KIRREL3: variants seen among roughly 807,000 people sequenced by gnomAD.
KIRREL3 encodes kin of IRRE-like protein 3.
Under a neutral mutation model 89.7 loss-of-function variants are expected in KIRREL3, and 36 were observed. That is an observed-to-expected ratio of 0.40 (90% confidence interval 0.31 to 0.53). The LOEUF (loss-of-function observed/expected upper bound fraction) is 0.53, where lower values mean the gene tolerates loss of function less well. Ranked by LOEUF, KIRREL3 falls within the 20% of genes least tolerant of loss-of-function variation. KIRREL3 has a pLI of 0.49. For missense variants in KIRREL3, 864 were observed against 1,056.6 expected, an observed-to-expected ratio of 0.82 and a Z score of 2.53; for synonymous variants, 445 against 441.4, an observed-to-expected ratio of 1.01 and a Z score of -0.10.
rs1179194545 is a variant in KIRREL3 at position 126,999,104 on chromosome 11, C to T, written c.55+1351G>A. On this transcript the variant is annotated intron_variant, in intron 1 of 16. Coordinates refer to ENST00000525144, the MANE Select transcript of KIRREL3 (RefSeq NM_032531.4). The surrounding 1 kb of genome is among the most constrained non-coding windows in gnomAD (Gnocchi z 5.7). ...GGGAAGGCAATTTATCTTCCTGCTGCTGTAGGGAGCCTTGGTGAGAAGCAC... is the reference window on the plus strand; with the variant it reads ...GGGAAGGCAATTTATCTTCCTGCTGTTGTAGGGAGCCTTGGTGAGAAGCAC... Among the ~76,000 whole-genome samples the T allele has an allele frequency of 6.7e-6, 1 of 149,242 alleles. No individual in the cohort carries two copies. Among genetic ancestry groups the T allele is most frequent in the East Asian group, 2.0e-4 (1 of 4,946 alleles).
intron 5 of KIRREL3, among the ~76,000 whole-genome samples, chr11:126,467,936 C>A (rs1303297132): frequency 1.3e-5 from 2 of 152,118 alleles, no homozygotes; most frequent in Non-Finnish European, 2.9e-5. Flanking sequence ...AGGGTGAGGG[C>A]CCTATGCATG....
At chr11:126,679,969 C>T (rs1426081915) in intron 1 of KIRREL3, among the ~76,000 whole-genome samples, 1 of 152,196 alleles carries the variant, frequency 6.6e-6, no homozygotes, top group Admixed American at 6.5e-5. Flanking sequence ...GGAAGCCTCT[C>T]CTTCCGTGGC....
Position 126,635,996 on chromosome 11 carries a change from T to G in KIRREL3, c.56-73084A>C, listed in dbSNP as rs530868209. ...GGGATCAGTGGAGGAAGCGACGTGA[T>G]TCCTGTAAGACTTGAATGCCCCTGA... On this transcript the variant is annotated intron_variant, in intron 1 of 16. Transcript: ENST00000525144. This position sits in a 1 kb window ranked among gnomAD's most constrained non-coding sequence, Gnocchi z 4.0. Among the ~76,000 whole-genome samples the G allele has an allele frequency of 2.5e-4, 38 of 152,280 alleles. No individual in the cohort carries two copies. The highest frequency in any genetic ancestry group is 8.9e-4 in the African/African-American group (37 of 41,556).
chr11:126,711,256 G>A (rs1249444869), intron 1 of KIRREL3, among the ~76,000 whole-genome samples: 2 of 152,158 alleles, frequency 1.3e-5, no homozygotes, highest in Admixed American at 1.3e-4. Flanking sequence ...GCACATAACC[G>A]CCTAAGTTTA....
chr11:126,764,728 G>A lies in KIRREL3; in HGVS notation c.56-201816C>T, dbSNP rs867298803. Among the ~76,000 whole-genome samples, 2 of 152,174 alleles carry A rather than the reference G, an allele frequency of 1.3e-5. No individual in the cohort carries two copies. Among genetic ancestry groups the A allele is most frequent in the African/African-American group, 2.4e-5 (1 of 41,442 alleles). On this transcript the variant is annotated intron_variant, in intron 1 of 16. Transcript: ENST00000525144. The surrounding 1 kb of genome is among the most constrained non-coding windows in gnomAD (Gnocchi z 4.2). Reference sequence around the variant, plus strand: ...TGCTTTTATGTTATTGCACACATGAGTGGAACATACTATCCAGCTTCTTAG... The same window carrying A: ...TGCTTTTATGTTATTGCACACATGAATGGAACATACTATCCAGCTTCTTAG...
chr11:126,920,381 G>C (rs1037597681), intron 1 of KIRREL3: 1 of 152,236 alleles, frequency 6.6e-6, no homozygotes, highest in East Asian at 1.9e-4. Flanking sequence ...ACCGATGAAC[G>C]AAAGGTGGAG....
At chr11:126,451,869 T>C (rs1423221583) in intron 7 of KIRREL3, among the ~76,000 whole-genome samples, 3 of 152,184 alleles carry the variant, frequency 2.0e-5, no homozygotes, top group African/African-American at 7.2e-5. Context: ...TTGAAGTGTC[T>C]ATGGGGAGTT....
At chr11:126,634,662 G>A (rs1208813703) in intron 1 of KIRREL3, among the ~76,000 whole-genome samples, 1 of 152,206 alleles carries the variant, frequency 6.6e-6, no homozygotes, top group Non-Finnish European at 1.5e-5. Flanking sequence ...CAGGTCCCTT[G>A]TACCTGCTGT....
Position 126,940,787 on chromosome 11 carries a change from T to C in KIRREL3, c.55+59668A>G, listed in dbSNP as rs1257442580. ...TACCTCTTTACTCCTCTGTAGGCAG[T>C]AATTCTTTTTTCTTTTCTTTCTTTT... On this transcript the variant is annotated intron_variant, in intron 1 of 16. Transcript: ENST00000525144. The surrounding 1 kb of genome is among the most constrained non-coding windows in gnomAD (Gnocchi z 4.6). The C allele has an allele frequency of 1.3e-5, 2 of 152,208 alleles. No individual in the cohort carries two copies. Among genetic ancestry groups the C allele is most frequent in the Non-Finnish European group, 2.9e-5 (2 of 68,054 alleles). The allele number at this position is 152,208 out of a possible 1,614,324, so 9.4% of individuals were successfully genotyped here.
intron 1 of KIRREL3, among the ~76,000 whole-genome samples, chr11:126,661,346 CAAG>C (rs1469800100): frequency 6.6e-6 from 1 of 152,142 alleles, no homozygotes; most frequent in East Asian, 1.9e-4. Flanking sequence ...CTGCATTTTG[CAAG>C]AAGAATGAGA....
chr11:126,932,818 C>T (rs1948010037), intron 1 of KIRREL3, among the ~76,000 whole-genome samples: 1 of 152,226 alleles, frequency 6.6e-6, no homozygotes, highest in Non-Finnish European at 1.5e-5. Context: ...CGTTTCTCTT[C>T]CTATGGAGTT....
rs886549354 is a variant in KIRREL3, at chr11:126,740,570, T to C, written c.56-177658A>G. Among the ~76,000 whole-genome samples the C allele has an allele frequency of 6.6e-6, 1 of 152,088 alleles. No homozygotes were observed. Among genetic ancestry groups the C allele is most frequent in the Non-Finnish European group, 1.5e-5 (1 of 68,032 alleles). On this transcript the variant is annotated intron_variant, in intron 1 of 16. Coordinates refer to ENST00000525144, the MANE Select transcript of KIRREL3 (RefSeq NM_032531.4). This position sits in a 1 kb window ranked among gnomAD's most constrained non-coding sequence, Gnocchi z 6.0. ...GTGATGTATTCCTATGGGCAAAGTATCGCTCTAGCCCAGCATCCCCTTTTG... is the reference window on the plus strand; with the variant it reads ...GTGATGTATTCCTATGGGCAAAGTACCGCTCTAGCCCAGCATCCCCTTTTG...
chr11:126,509,507 C>A (rs373558821), intron 4 of KIRREL3, among the ~76,000 whole-genome samples: 1 of 152,212 alleles, frequency 6.6e-6, no homozygotes, highest in Admixed American at 6.5e-5. Context: ...ATATCAGGTT[C>A]TCCATCCTCT....
At position 126,477,479 on chromosome 11, in the gene KIRREL3, T is replaced by C. The variant is rs529205693; in HGVS notation, c.434-4013A>G. Among the ~76,000 whole-genome samples, 3 of 152,328 alleles carry C rather than the reference T, an allele frequency of 2.0e-5. No individual in the cohort carries two copies. Among genetic ancestry groups the C allele is most frequent in the East Asian group, 3.9e-4 (2 of 5,182 alleles). On this transcript the variant is annotated intron_variant, in intron 4 of 16. Coordinates refer to ENST00000525144, the MANE Select transcript of KIRREL3 (RefSeq NM_032531.4). The surrounding 1 kb of genome is among the most constrained non-coding windows in gnomAD (Gnocchi z 4.8). ...ATTGAGGCCAGAGAGCACAAGAGGCTGACCCAAAGTTACCAGTGACGAGAG... is the reference window on the plus strand; with the variant it reads ...ATTGAGGCCAGAGAGCACAAGAGGCCGACCCAAAGTTACCAGTGACGAGAG...
chr11:126,633,843 T>G (rs1351065050), intron 1 of KIRREL3, among the ~76,000 whole-genome samples: 1 of 152,238 alleles, frequency 6.6e-6, no homozygotes, highest in East Asian at 1.9e-4. Flanking sequence ...CCACAGGTAC[T>G]GGCAACGTAT....
At position 126,744,362 on chromosome 11, in the gene KIRREL3, G is replaced by A. The variant is rs937365986; in HGVS notation, c.56-181450C>T. ...CCGCAGGAGGTGTGCTGACCAGAGA[G>A]GATGAAAGGGAAGCTGGAGGCAGGG... On this transcript the variant is annotated intron_variant, in intron 1 of 16. Transcript: ENST00000525144. The surrounding 1 kb of genome is among the most constrained non-coding windows in gnomAD (Gnocchi z 4.7). 1.3e-5 allele frequency among the ~76,000 whole-genome samples: 2 copies of A among 152,166 alleles called. No individual in the cohort carries two copies. The highest frequency in any genetic ancestry group is 4.8e-5 in the African/African-American group (2 of 41,444).
chr11:126,974,667 G>A (rs1949519822), intron 1 of KIRREL3, among the ~76,000 whole-genome samples: 1 of 151,974 alleles, frequency 6.6e-6, no homozygotes, highest in Non-Finnish European at 1.5e-5. Flanking sequence ...TACACACCTA[G>A]GCTACATGGT....
At chr11:126,980,119 C>T (rs1949682002) in intron 1 of KIRREL3, among the ~76,000 whole-genome samples, 1 of 152,118 alleles carries the variant, frequency 6.6e-6, no homozygotes, top group Non-Finnish European at 1.5e-5. Flanking sequence ...GAGAGGTAAC[C>T]TTTGAGCCAA....
intron 1 of KIRREL3, among the ~76,000 whole-genome samples, chr11:126,670,175 C>T (rs1470738283): frequency 1.3e-5 from 2 of 152,210 alleles, no homozygotes; most frequent in African/African-American, 2.4e-5. Context: ...CCCTGCTTCT[C>T]TCCTTGCCAC....
Sources: allele counts gnomAD v4.1 joint callset (sites outside exome capture counted in the v4.1 genomes callset), GRCh38; gene constraint gnomAD v4.1.1; non-coding constraint Gnocchi (gnomAD v3.1); transcripts MANE v1.5; gene names NCBI Gene and HGNC (gene_info 2026-07-23, HGNC 2026-07-21).